DHCR7: variants seen among roughly 807,000 people sequenced by gnomAD.
DHCR7 encodes the protein 7-dehydrocholesterol reductase, also known as 7-DHC reductase.
DHCR7 carries 40 observed loss-of-function variants against 43.3 expected under a neutral mutation model. That is an observed-to-expected ratio of 0.92 (90% CI 0.72 to 1.20). The LOEUF (loss-of-function observed/expected upper bound fraction) is 1.20, where lower values mean the gene tolerates loss of function less well. Ranked by LOEUF, DHCR7 falls within the 50% of genes most tolerant of loss-of-function variation. The pLI, the probability that DHCR7 is intolerant of heterozygous loss-of-function variation, is 0.00. For synonymous variants in DHCR7, 298 were observed against 271.4 expected (o/e 1.10, Z -0.96); for missense variants, 608 against 644.6 (o/e 0.94, Z 0.62).
chr11:71,435,120 G>T lies in DHCR7; in HGVS notation c.*255C>A, dbSNP rs1949257000. ...GTAAAGGTGACTGGGTCATCCTCCT[G>T]CCCCAGGGACACTGATTAGAGAAAA... On this transcript the variant is annotated 3_prime_UTR_variant, in exon 9 of 9. Coordinates refer to ENST00000355527, the MANE Select transcript of DHCR7 (RefSeq NM_001360.3). 7.5e-6 allele frequency: 5 copies of T among 668,394 alleles called. No individual in the cohort carries two copies. The highest frequency in any genetic ancestry group is 1.1e-5 in the Non-Finnish European group (4 of 363,366). The allele number at this position is 668,394 out of a possible 1,614,324, so 41.4% of individuals were successfully genotyped here. A position where few individuals can be genotyped will look rare whatever the true frequency, so the allele number is the denominator to read the frequency against.
intron 6 of DHCR7, among the ~76,000 whole-genome samples, chr11:71,439,334 A>G (rs1949325109): frequency 6.6e-6 from 1 of 152,188 alleles, no homozygotes; most frequent in Non-Finnish European, 1.5e-5. Context: ...GCAGAAGCCC[A>G]GGGGCACCTG....
chr11:71,428,983 A>C (rs2135936444), intron 2 of DHCR7: 1 of 395,046 alleles, frequency 2.5e-6, no homozygotes, highest in African/African-American at 2.1e-5. Flanking sequence ...TAGCCTTCCA[A>C]GTGTGCTCAG....
chr11:71,438,907 T>C lies in DHCR7; in HGVS notation c.803A>G (p.Asn268Ser), dbSNP rs761064004. ...KQRELHSHVT[N>S]AMVLVNVLQA... Reference sequence around the variant, plus strand: ...CAGGACGTTGACCAGGACCATGGCATTGGTCACATGGCTGTGGAGCTCCCG... The same window carrying C: ...CAGGACGTTGACCAGGACCATGGCACTGGTCACATGGCTGTGGAGCTCCCG... The change falls in exon 7 of 9, where the codon AAT (asparagine) becomes AGT (serine). Residue 268 changes from asparagine to serine, a missense_variant. Transcript: ENST00000355527. 6.2e-7 allele frequency: 1 copy of C among 1,613,768 alleles called. No homozygotes were observed. Among genetic ancestry groups the C allele is most frequent in the African/African-American group, 1.3e-5 (1 of 74,932 alleles).
chr11:71,444,748 T>A, intron 3 of DHCR7, 107 bp downstream of exon 3: 3 of 1,001,516 alleles, frequency 3.0e-6, no homozygotes, highest in Admixed American at 4.3e-5. Context: ...AAAAAAAATC[T>A]TTTTTAAAAA....
Position 71,442,287 on chromosome 11 carries a change from G to C in DHCR7, c.388C>G (p.Gln130Glu). ...KFLPGYVGGIQEGAVTPAGVV... is the reference protein window; with the variant it reads ...KFLPGYVGGIEEGAVTPAGVV... Reference sequence around the variant, plus strand: ...CCTGCAGGAGTCACGGCCCCCTCCTGGATGCCTCCTACGTAGCCGGGTAGA... The same window carrying C: ...CCTGCAGGAGTCACGGCCCCCTCCTCGATGCCTCCTACGTAGCCGGGTAGA... Residue 130 changes from glutamine to glutamate, a missense_variant, in exon 5 of 9, where the codon CAG (glutamine) becomes GAG (glutamate). By Grantham distance (29) the Gln-to-Glu change is conservative (BLOSUM62 2). Coordinates refer to ENST00000355527, the MANE Select transcript of DHCR7 (RefSeq NM_001360.3). The C allele has an allele frequency of 1.2e-6, 2 of 1,613,600 alleles. No homozygotes were observed. The highest frequency in any genetic ancestry group is 1.7e-6 in the Non-Finnish European group (2 of 1,179,760).
chr11:71,427,319 C>T (rs1035298304), downstream of DHCR7, among the ~76,000 whole-genome samples: 17 of 152,256 alleles, frequency 1.1e-4, no homozygotes, highest in Admixed American at 1.0e-3. Context: ...TTATTTAGCT[C>T]TTCTTTAATT....
At chr11:71,439,587 G>C (rs1949327489) in intron 6 of DHCR7, among the ~76,000 whole-genome samples, 1 of 152,186 alleles carries the variant, frequency 6.6e-6, no homozygotes, top group Admixed American at 6.5e-5. Context: ...CCTGGGCCCG[G>C]CTTCCAGCAT....
intron 2 of DHCR7, among the ~76,000 whole-genome samples, chr11:71,446,327 A>T (rs1040726035): frequency 1.3e-5 from 2 of 151,784 alleles, no homozygotes; most frequent in African/African-American, 2.4e-5. Context: ...TCATATAAGG[A>T]AGGAAAAAAA....
At position 71,439,001 on chromosome 11, in the gene DHCR7, G is replaced by A. The variant is rs755941916; in HGVS notation, c.709C>T (p.Leu237=). The change falls in exon 7 of 9, where the codon CTG becomes TTG. Residue 237 remains leucine, a synonymous_variant. Transcript: ENST00000355527. ...PRIGKWFDFK[L]FFNGRPGIVA... is the part of the protein sequence containing the mutation. The stretch of plus-strand genomic sequence containing the variant: ...ATCCCGGGGCGCCCATTGAAGAACA[G>A]CTTGAAGTCAAACCACTTCCCGATC... The A allele has an allele frequency of 4.3e-6, 7 of 1,614,014 alleles. No homozygotes were observed. The East Asian group carries it at 1.1e-4, about 26-fold the overall frequency.
intron 2 of DHCR7, among the ~76,000 whole-genome samples, chr11:71,445,925 T>C (rs1254693868): frequency 1.3e-5 from 2 of 152,184 alleles, no homozygotes; most frequent in East Asian, 1.9e-4. Context: ...AACTTCAAAA[T>C]TTTGAGGAAA....
At chr11:71,438,840 C>A (rs375895720) in intron 7 of DHCR7, 39 bp downstream of exon 7, 1 of 1,604,088 alleles carries the variant, frequency 6.2e-7, no homozygotes, top group South Asian at 1.1e-5. Flanking sequence ...CAGAGCCTGC[C>A]GGCATCGGCG....
intron 6 of DHCR7, among the ~76,000 whole-genome samples, chr11:71,440,570 T>C (rs538142720): frequency 1.7e-4 from 24 of 138,892 alleles, no homozygotes; most frequent in Non-Finnish European, 3.2e-4. Flanking sequence ...GGCAGATGGA[T>C]GAATGGGTGA....
chr11:71,444,357 C>T (rs867821305), intron 3 of DHCR7, 142 bp from the exon 4 acceptor site: 9 of 714,624 alleles, frequency 1.3e-5, no homozygotes, highest in Middle Eastern at 3.2e-4. Flanking sequence ...TAGCACGGGC[C>T]CTCCTTGCGG....
chr11:71,435,312 C>A lies in DHCR7; in HGVS notation c.*63G>T, dbSNP rs918545080. On this transcript the variant is annotated 3_prime_UTR_variant, in exon 9 of 9. Transcript: ENST00000355527. ...CTCGAGTTGGAGCTGGGATGCCAGC[C>A]CCCATGGACCTGGCAGAACACGCTC... 126 of 1,530,542 alleles carry A rather than the reference C, an allele frequency of 8.2e-5. 1 individual carries two copies. The highest frequency in any genetic ancestry group is 4.9e-4 in the South Asian group (44 of 89,518). The allele number at this position is 1,530,542 out of a possible 1,614,324, so 94.8% of individuals were successfully genotyped here. A position where few individuals can be genotyped will look rare whatever the true frequency, so the allele number is the denominator to read the frequency against.
chr11:71,427,840 G>T (rs187074726), downstream of DHCR7, among the ~76,000 whole-genome samples: 9 of 152,182 alleles, frequency 5.9e-5, no homozygotes, highest in South Asian at 2.1e-4. Context: ...AGATTAAGCA[G>T]CCAGGACTTT....
At chr11:71,440,532 G>C (rs912237049) in intron 6 of DHCR7, among the ~76,000 whole-genome samples, 24 of 151,436 alleles carry the variant, frequency 1.6e-4, no homozygotes, top group African/African-American at 5.6e-4. Flanking sequence ...TGTGTGGCTA[G>C]ATGTGTAGGT....
Position 71,435,024 on chromosome 11 carries a change from T to C in DHCR7, c.*351A>G. 2.0e-6 allele frequency: 1 copy of C among 497,566 alleles called. No individual in the cohort carries two copies. 30.8% of individuals were successfully genotyped at this position (497,566 alleles called of 1,614,324 possible). A position where few individuals can be genotyped will look rare whatever the true frequency, so the allele number is the denominator to read the frequency against. ...AATGACAGGGCGTGGGAAGACCTCC[T>C]GCTCACCAGTGTGGGCAGAGTGTAG... On this transcript the variant is annotated 3_prime_UTR_variant, in exon 9 of 9. Coordinates refer to ENST00000355527, the MANE Select transcript of DHCR7 (RefSeq NM_001360.3).
chr11:71,433,513 A>G (rs192702005), downstream of DHCR7, among the ~76,000 whole-genome samples: 1 of 152,366 alleles, frequency 6.6e-6, no homozygotes, highest in East Asian at 1.9e-4. Flanking sequence ...ATCTGAACCA[A>G]GAGCTCTCCC....
chr11:71,447,418 A>T (rs1412833015), intron 2 of DHCR7, among the ~76,000 whole-genome samples, 192 bp downstream of exon 2: 1 of 152,242 alleles, frequency 6.6e-6, no homozygotes, highest in African/African-American at 2.4e-5. Context: ...TGCAATAAAC[A>T]TCTAAGTAAC....
Sources: gnomAD v4.1 joint callset for allele counts (sites outside exome capture counted in the v4.1 genomes callset) on GRCh38, gnomAD v4.1.1 for gene constraint, MANE v1.5 for transcripts, NCBI Gene and HGNC (gene_info 2026-07-23, HGNC 2026-07-21) for gene names.